The following WWOX variants were observed in gnomAD, a reference collection of about 807,000 sequenced individuals.
WWOX encodes WW domain containing oxidoreductase, also known as WW domain-containing oxidoreductase.
In WWOX, 69 loss-of-function variants were observed where a neutral mutation model predicts 46.2. That is an observed-to-expected ratio of 1.49 (90% CI 1.23 to 1.82). WWOX has a LOEUF of 1.82. WWOX is among the 40% of genes most tolerant of loss of function. The pLI is 0.00. For synonymous variants in WWOX, 359 were observed against 202.6 expected (o/e 1.77, Z -6.56); for missense variants, 919 against 542.6 (o/e 1.69, Z -6.89).
chr16:78,139,209 G>A (rs557797005), intron 4 of WWOX, among the ~76,000 whole-genome samples: 3 of 152,312 alleles, frequency 2.0e-5, no homozygotes, highest in African/African-American at 7.2e-5. Context: ...ATCTAGGAGA[G>A]AGATAATCCT....
At chr16:78,152,749 C>G (rs759306290) in intron 4 of WWOX, among the ~76,000 whole-genome samples, 2 of 152,214 alleles carry the variant, frequency 1.3e-5, no homozygotes, top group East Asian at 1.9e-4. Context: ...TCTTGCCTCT[C>G]GAGAGATCTC....
intron 5 of WWOX, among the ~76,000 whole-genome samples, chr16:78,242,626 T>TGA (rs776967685): frequency 2.8e-4 from 42 of 152,188 alleles, no homozygotes; most frequent in Non-Finnish European, 5.4e-4. Flanking sequence ...GGTGACCTCC[T>TGA]GAGTCCCCTG....
chr16:78,953,297 T>G (rs1169215592), intron 8 of WWOX, among the ~76,000 whole-genome samples: 1 of 142,324 alleles, frequency 7.0e-6, no homozygotes, highest in African/African-American at 2.5e-5. Context: ...GGCACAATTA[T>G]AGTGGGGGGT....
chr16:78,310,100 T>C (rs1292763767), intron 5 of WWOX, among the ~76,000 whole-genome samples: 1 of 152,054 alleles, frequency 6.6e-6, no homozygotes, highest in African/African-American at 2.4e-5. Flanking sequence ...TCTATCATCA[T>C]CCATAGCTCT....
At chr16:79,196,110 C>A (rs1202892234) in intron 8 of WWOX, among the ~76,000 whole-genome samples, 6 of 152,202 alleles carry the variant, frequency 3.9e-5, no homozygotes, top group Non-Finnish European at 2.9e-5. Flanking sequence ...CGAGGTTTGG[C>A]ACCTCTGATA....
chr16:78,164,379 T>G (rs1272739109), intron 5 of WWOX, 90 bp downstream of exon 5: 4 of 1,150,538 alleles, frequency 3.5e-6, no homozygotes, highest in Non-Finnish European at 5.1e-6. Context: ...GTGTAAAGTT[T>G]ATTGCTCTTG....
intron 8 of WWOX, chr16:79,202,753 A>T (rs984665937): frequency 6.6e-6 from 1 of 152,246 alleles, no homozygotes; most frequent in Non-Finnish European, 1.5e-5. Flanking sequence ...GAATAGCAGC[A>T]TGCATAGCTT....
chr16:78,835,911 A>G (rs1184571391), intron 8 of WWOX, among the ~76,000 whole-genome samples: 1 of 152,218 alleles, frequency 6.6e-6, no homozygotes, highest in Non-Finnish European at 1.5e-5. Context: ...TCTGAGTTGT[A>G]TCCTCAGATA....
chr16:78,411,977 C>T (rs1216759943), intron 6 of WWOX, among the ~76,000 whole-genome samples: 1 of 152,196 alleles, frequency 6.6e-6, no homozygotes, highest in African/African-American at 2.4e-5. Flanking sequence ...AATTGTATCA[C>T]CGAGTTGGTC....
chr16:78,309,740 G>A (rs1433157435), intron 5 of WWOX, among the ~76,000 whole-genome samples: 1 of 152,132 alleles, frequency 6.6e-6, no homozygotes, highest in East Asian at 1.9e-4. Flanking sequence ...GAATTAAACT[G>A]GAATGCTGTT....
At chr16:78,451,117 C>T (rs2083680819) in intron 8 of WWOX, among the ~76,000 whole-genome samples, 1 of 152,166 alleles carries the variant, frequency 6.6e-6, no homozygotes, top group South Asian at 2.1e-4. Context: ...AAGCTAAAGG[C>T]TCTGTTGGGT....
At chr16:79,131,638 C>G (rs555880041) in intron 8 of WWOX, among the ~76,000 whole-genome samples, 2 of 152,258 alleles carry the variant, frequency 1.3e-5, no homozygotes, top group Middle Eastern at 3.4e-3. Flanking sequence ...TATATTGAGG[C>G]TTTATCTCTG....
chr16:78,104,618 TA>T (rs964543354), intron 1 of WWOX, among the ~76,000 whole-genome samples: 41 of 152,348 alleles, frequency 2.7e-4, no homozygotes, highest in African/African-American at 8.4e-4. Context: ...ATTATCTTTT[TA>T]AATGACAAGC....
chr16:78,586,340 C>T (rs1194495176), intron 8 of WWOX, among the ~76,000 whole-genome samples: 1 of 152,168 alleles, frequency 6.6e-6, no homozygotes, highest in East Asian at 1.9e-4. Flanking sequence ...GAAATAATTA[C>T]TCTAGGTAAC....
intron 8 of WWOX, among the ~76,000 whole-genome samples, chr16:78,508,310 C>CTATTT (rs2085268608): frequency 8.9e-6 from 1 of 112,796 alleles, no homozygotes; most frequent in African/African-American, 4.3e-5. Flanking sequence ...TGCGCCCGGC[C>CTATTT]TTTTTTTTTT....
chr16:78,563,737 A>G (rs1439928292), intron 8 of WWOX, among the ~76,000 whole-genome samples: 2 of 152,110 alleles, frequency 1.3e-5, no homozygotes, highest in Admixed American at 6.5e-5. Flanking sequence ...GTTGGCAGAT[A>G]TTAAGTCCAC....
At chr16:78,910,489 G>A (rs1482737670) in intron 8 of WWOX, among the ~76,000 whole-genome samples, 15 of 140,124 alleles carry the variant, frequency 1.1e-4, no homozygotes, top group Non-Finnish European at 1.5e-5. Context: ...TGTTAGCAGA[G>A]TGTATCAGGA....
intron 5 of WWOX, among the ~76,000 whole-genome samples, chr16:78,382,977 A>G (rs1223094435): frequency 6.6e-6 from 1 of 151,550 alleles, no homozygotes; most frequent in African/African-American, 2.4e-5. Flanking sequence ...AATCATGGCG[A>G]AGAGGAAGCA....
At chr16:78,732,292 T>C (rs2048988574) in intron 8 of WWOX, among the ~76,000 whole-genome samples, 1 of 152,140 alleles carries the variant, frequency 6.6e-6, no homozygotes, top group Admixed American at 6.5e-5. Flanking sequence ...CTCTCACTCA[T>C]GGGATGCTTA....
Sources: allele counts gnomAD v4.1 joint callset (sites outside exome capture counted in the v4.1 genomes callset), GRCh38; gene constraint gnomAD v4.1.1; transcripts MANE v1.5; gene names NCBI Gene and HGNC (gene_info 2026-07-23, HGNC 2026-07-21).